The following LCLAT1 variants were observed in gnomAD, a reference collection of about 807,000 sequenced individuals.
The protein encoded by LCLAT1 is 1-AGP acyltransferase 8.
In LCLAT1, 11 loss-of-function variants were observed where a neutral mutation model predicts 30.7. The ratio of observed to expected loss-of-function variants is 0.36; its 90% CI spans 0.23 to 0.59. LCLAT1 has a LOEUF of 0.59. Ranked by LOEUF, LCLAT1 falls within the 20% of genes least tolerant of loss-of-function variation. The pLI, the probability that LCLAT1 is intolerant of heterozygous loss-of-function variation, is 0.77. For missense variants in LCLAT1, 402 were observed against 458.6 expected, an observed-to-expected ratio of 0.88 and a Z score of 1.13; for synonymous variants, 155 against 151.3, an observed-to-expected ratio of 1.02 and a Z score of -0.18.
At chr2:30,603,021 T>C (rs183969866) in intron 5 of LCLAT1, among the ~76,000 whole-genome samples, 116 of 152,314 alleles carry the variant, frequency 7.6e-4, no homozygotes, top group African/African-American at 2.5e-3. Flanking sequence ...CCTAGGGTGG[T>C]ATATTTAACA....
rs1473125985 is a variant in LCLAT1, at chr2:30,568,243, C to T, written c.628+67C>T. On this transcript the variant is annotated intron_variant, in intron 5 of 5. Transcript: ENST00000379509. ...AAAAATTGCTAAGCTTTATATATAG[C>T]CCTTTAGAGTTTGTAAAGGATTTTT... 4 of 686,242 alleles carry T rather than the reference C, an allele frequency of 5.8e-6. No homozygotes were observed. The South Asian group carries it at 6.6e-5, about 11-fold the overall frequency. The allele number at this position is 686,242 out of a possible 1,614,324, so 42.5% of individuals were successfully genotyped here. A position where few individuals can be genotyped will look rare whatever the true frequency, so the allele number is the denominator to read the frequency against.
intron 2 of LCLAT1, among the ~76,000 whole-genome samples, chr2:30,527,259 TAAAG>T (rs546566995): frequency 7.9e-4 from 120 of 152,306 alleles, no homozygotes; most frequent in African/African-American, 2.7e-3. Flanking sequence ...ATCTGTAAAA[TAAAG>T]AAATTGGAGT....
At chr2:30,610,688 T>G (rs995102480) in intron 5 of LCLAT1, among the ~76,000 whole-genome samples, 1 of 152,138 alleles carries the variant, frequency 6.6e-6, no homozygotes, top group Non-Finnish European at 1.5e-5. Context: ...ATTATAATGT[T>G]GGAGCTTAGA....
intron 5 of LCLAT1, chr2:30,607,430 G>A (rs968462590): frequency 3.9e-5 from 6 of 152,168 alleles, no homozygotes; most frequent in East Asian, 3.9e-4. Flanking sequence ...TCTAGTTAGT[G>A]GCAAACCACA....
intron 5 of LCLAT1, among the ~76,000 whole-genome samples, chr2:30,611,156 T>A (rs1376586195): frequency 6.6e-6 from 1 of 152,016 alleles, no homozygotes; most frequent in Non-Finnish European, 1.5e-5. Flanking sequence ...GTCCATTTTT[T>A]TTCTTTTTGG....
chr2:30,629,616 C>A (rs748954076), intron 5 of LCLAT1, among the ~76,000 whole-genome samples: 24 of 152,106 alleles, frequency 1.6e-4, no homozygotes, highest in Admixed American at 4.6e-4. Context: ...CAATACCAAG[C>A]ATTAGTAAGA....
chr2:30,619,041 A>G (rs1251464077), intron 5 of LCLAT1, among the ~76,000 whole-genome samples: 2 of 152,188 alleles, frequency 1.3e-5, no homozygotes, highest in African/African-American at 4.8e-5. Flanking sequence ...TATTTTAGAC[A>G]TGAGGAATTT....
intron 5 of LCLAT1, among the ~76,000 whole-genome samples, chr2:30,586,212 A>T (rs1405612431): frequency 7.0e-6 from 1 of 142,676 alleles, no homozygotes; most frequent in Non-Finnish European, 1.5e-5. Flanking sequence ...ACTGCACTCC[A>T]GCCTGGGTGA....
intron 5 of LCLAT1, among the ~76,000 whole-genome samples, chr2:30,633,448 G>C (rs1444324562): frequency 6.6e-6 from 1 of 152,108 alleles, no homozygotes. Context: ...CAGCACTTTG[G>C]GAGGCCGAGG....
At chr2:30,478,655 G>A (rs1319363960) in intron 1 of LCLAT1, among the ~76,000 whole-genome samples, 1 of 151,986 alleles carries the variant, frequency 6.6e-6, no homozygotes, top group Non-Finnish European at 1.5e-5. Context: ...ATGACAGAAT[G>A]AGAACCTGTC....
At chr2:30,474,513 G>A (rs1682953639) in intron 1 of LCLAT1, among the ~76,000 whole-genome samples, 2 of 152,154 alleles carry the variant, frequency 1.3e-5, no homozygotes, top group Non-Finnish European at 2.9e-5. Context: ...CTTCTGAGTA[G>A]CTGGGAATAC....
At chr2:30,568,343 G>A (rs1238419674) in intron 5 of LCLAT1, among the ~76,000 whole-genome samples, 167 bp downstream of exon 5, 10 of 151,914 alleles carry the variant, frequency 6.6e-5, no homozygotes, top group Admixed American at 4.6e-4. Flanking sequence ...GTTTTGCCAT[G>A]TATTTGTTAG....
chr2:30,529,630 C>A (rs1685893107), intron 2 of LCLAT1, among the ~76,000 whole-genome samples: 1 of 152,098 alleles, frequency 6.6e-6, no homozygotes, highest in Non-Finnish European at 1.5e-5. Context: ...ATAAATCATG[C>A]CTTAGGAATT....
intron 1 of LCLAT1, among the ~76,000 whole-genome samples, chr2:30,448,904 A>G (rs1681401898): frequency 6.6e-6 from 1 of 152,204 alleles, no homozygotes; most frequent in Non-Finnish European, 1.5e-5. Context: ...TGTTGGGAGG[A>G]AAAAGAAAAG....
intron 3 of LCLAT1, among the ~76,000 whole-genome samples, chr2:30,558,546 C>T (rs889576185): frequency 2.3e-4 from 33 of 146,500 alleles, no homozygotes; most frequent in Non-Finnish European, 3.4e-4. Context: ...TGCAGTGAGC[C>T]GAGATCACAC....
intron 1 of LCLAT1, among the ~76,000 whole-genome samples, chr2:30,524,278 T>G (rs1685606407): frequency 6.6e-6 from 1 of 152,122 alleles, no homozygotes; most frequent in Non-Finnish European, 1.5e-5. Context: ...CAGTGAAGAG[T>G]CTAAGTTCTA....
chr2:30,579,506 C>T (rs922839050), intron 5 of LCLAT1, among the ~76,000 whole-genome samples: 20 of 151,924 alleles, frequency 1.3e-4, no homozygotes, highest in Admixed American at 9.8e-4. Flanking sequence ...GTATATGATC[C>T]GGTGTCACAG....
At chr2:30,477,674 A>G (rs1043530662) in intron 1 of LCLAT1, among the ~76,000 whole-genome samples, 3 of 152,164 alleles carry the variant, frequency 2.0e-5, no homozygotes, top group Admixed American at 6.6e-5. Flanking sequence ...CATTTAGGCT[A>G]TCCCTGAGTA....
intron 5 of LCLAT1, among the ~76,000 whole-genome samples, chr2:30,596,858 T>C (rs1666949037): frequency 7.5e-6 from 1 of 133,462 alleles, no homozygotes; most frequent in South Asian, 2.8e-4. Flanking sequence ...GTTTTCTGCA[T>C]ATGGCTAGCC....
Sources: gnomAD v4.1 joint callset for allele counts (sites outside exome capture counted in the v4.1 genomes callset) on GRCh38, gnomAD v4.1.1 for gene constraint, MANE v1.5 for transcripts, NCBI Gene and HGNC (gene_info 2026-07-23, HGNC 2026-07-21) for gene names.